Variants in SORCS1 observed in about 807,000 individuals in gnomAD.
SORCS1 encodes the protein VPS10 domain-containing receptor SorCS1.
Under a neutral mutation model 146.1 loss-of-function variants are expected in SORCS1, and 60 were observed. The ratio of observed to expected loss-of-function variants is 0.41; its 90% CI spans 0.33 to 0.51. The LOEUF (loss-of-function observed/expected upper bound fraction) is 0.51, where lower values mean the gene tolerates loss of function less well. Among genes scored for constraint, SORCS1 ranks in the 20% least tolerant of loss-of-function variants. SORCS1 has a pLI of 0.21. For missense variants in SORCS1, 1,352 were observed against 1,487.6 expected (o/e 0.91, Z 1.50); for synonymous variants, 637 against 584.0 (o/e 1.09, Z -1.31).
chr10:107,036,994 C>A lies in SORCS1; in HGVS notation c.559-80414G>T, dbSNP rs144058363. Among the ~76,000 whole-genome samples, 1,501 of 152,204 alleles carry A rather than the reference C, an allele frequency of 9.9e-3. 19 individuals carry two copies. Among genetic ancestry groups the A allele is most frequent in the African/African-American group, 0.034 (1,428 of 41,530 alleles). ...GGCGCGGTGGCTCATGCCTGTAATCCCAGCACTTTGGGAGGCCGAGGCAGG... is the reference window on the plus strand; with the variant it reads ...GGCGCGGTGGCTCATGCCTGTAATCACAGCACTTTGGGAGGCCGAGGCAGG... On this transcript the variant is annotated intron_variant, in intron 1 of 25. Transcript: ENST00000263054.
intron 1 of SORCS1, among the ~76,000 whole-genome samples, chr10:106,990,243 T>C (rs375005565): frequency 6.6e-6 from 1 of 152,250 alleles, no homozygotes; most frequent in Middle Eastern, 3.4e-3. Context: ...AACAAGGCCT[T>C]CTAACAGATT....
intron 1 of SORCS1, among the ~76,000 whole-genome samples, chr10:107,151,470 A>G (rs1220386911): frequency 6.6e-6 from 1 of 151,998 alleles, no homozygotes; most frequent in Non-Finnish European, 1.5e-5. Flanking sequence ...TGATGGTGGG[A>G]GGTAAAAGGC....
At chr10:106,893,070 A>AT (rs527826923) in intron 2 of SORCS1, among the ~76,000 whole-genome samples, 3,699 of 140,928 alleles carry the variant, frequency 0.026, 54 homozygotes, top group Non-Finnish European at 0.034. Context: ...AGTTTTTTGT[A>AT]TTTTTTTTTT....
chr10:106,866,432 C>A (rs898617771), intron 2 of SORCS1, among the ~76,000 whole-genome samples: 8 of 152,128 alleles, frequency 5.3e-5, no homozygotes, highest in Non-Finnish European at 8.8e-5. Flanking sequence ...GGGTAGAGTC[C>A]CCAGGAGACA....
chr10:106,732,987 T>C (rs1274153526), intron 5 of SORCS1, among the ~76,000 whole-genome samples: 1 of 151,476 alleles, frequency 6.6e-6, no homozygotes, highest in Non-Finnish European at 1.5e-5. Context: ...GGTGTGGTGG[T>C]GTGTACCTGT....
chr10:106,829,515 G>A, intron 3 of SORCS1, 59 bp downstream of exon 3: 1 of 1,330,892 alleles, frequency 7.5e-7, no homozygotes, highest in Non-Finnish European at 1.1e-6. Context: ...AGAGTGGTTA[G>A]CCAACCAAGA....
chr10:106,849,812 C>T (rs1949469201), intron 2 of SORCS1, among the ~76,000 whole-genome samples: 1 of 151,548 alleles, frequency 6.6e-6, no homozygotes, highest in African/African-American at 2.4e-5. Context: ...ACAGACAGGA[C>T]CCTCAGCTGC....
At chr10:106,643,865 C>T (rs1293138540) in intron 18 of SORCS1, among the ~76,000 whole-genome samples, 2 of 152,178 alleles carry the variant, frequency 1.3e-5, no homozygotes, top group Non-Finnish European at 2.9e-5. Context: ...TGGAGCTAAT[C>T]AGAAGTGAAA....
In SORCS1 at chr10:106,686,337, C is replaced by T. The variant is rs111996478; in HGVS notation, c.1560+1855G>A. Among the ~76,000 whole-genome samples, 1,282 of 152,258 alleles carry T rather than the reference C, an allele frequency of 8.4e-3. 20 individuals carry two copies. The highest frequency in any genetic ancestry group is 0.029 in the African/African-American group (1,219 of 41,548). Reference sequence around the variant, plus strand: ...TGGGGGTGAAGCAGGGAATACCTTGCTAAGTGCTTAAAAGCCATTTTTAAT... The same window carrying T: ...TGGGGGTGAAGCAGGGAATACCTTGTTAAGTGCTTAAAAGCCATTTTTAAT... On this transcript the variant is annotated intron_variant, in intron 10 of 25. Transcript: ENST00000263054.
Position 106,773,121 on chromosome 10 carries a change from T to C in SORCS1, c.885+3413A>G, listed in dbSNP as rs17180688. Among the ~76,000 whole-genome samples the C allele has an allele frequency of 9.3e-3, 1,419 of 152,316 alleles. 9 individuals are homozygous for C. The highest frequency in any genetic ancestry group is 0.014 in the Non-Finnish European group (977 of 68,028). On this transcript the variant is annotated intron_variant, in intron 4 of 25. Transcript: ENST00000263054. ...TAAGGGATTGTTCACCACAATTTGATGTAAAACAGCATCCAGCAGAGATAA... is the reference window on the plus strand; with the variant it reads ...TAAGGGATTGTTCACCACAATTTGACGTAAAACAGCATCCAGCAGAGATAA...
chr10:106,976,431 A>C (rs1956023587), intron 1 of SORCS1, among the ~76,000 whole-genome samples: 1 of 147,538 alleles, frequency 6.8e-6, no homozygotes, highest in Non-Finnish European at 1.5e-5. Context: ...TCCCGGGTTC[A>C]CGCCATTCTC....
intron 1 of SORCS1, among the ~76,000 whole-genome samples, chr10:106,982,980 T>A (rs1476593340): frequency 6.6e-6 from 1 of 151,918 alleles, no homozygotes; most frequent in Non-Finnish European, 1.5e-5. Flanking sequence ...GCACAGAGAT[T>A]TAATAACTGT....
chr10:107,016,674 A>C (rs1218040109), intron 1 of SORCS1, among the ~76,000 whole-genome samples: 2 of 152,238 alleles, frequency 1.3e-5, no homozygotes, highest in Non-Finnish European at 1.5e-5. Context: ...AAAACATGGT[A>C]AATTGACTAT....
intron 1 of SORCS1, among the ~76,000 whole-genome samples, chr10:107,110,491 G>A (rs937022318): frequency 2.6e-5 from 4 of 151,998 alleles, no homozygotes; most frequent in Admixed American, 2.0e-4. Context: ...ACAAGAGCAA[G>A]CTAGAGAGTT....
chr10:107,079,943 T>TA (rs1033412727), intron 1 of SORCS1, among the ~76,000 whole-genome samples: 23 of 152,220 alleles, frequency 1.5e-4, no homozygotes, highest in African/African-American at 4.8e-4. Context: ...AAATGTATGA[T>TA]AAAAAACAAG....
intron 4 of SORCS1, among the ~76,000 whole-genome samples, chr10:106,761,947 C>G (rs900596741): frequency 1.3e-5 from 2 of 152,118 alleles, no homozygotes; most frequent in Non-Finnish European, 2.9e-5. Context: ...GAATGCACAC[C>G]CTGTTCTGCC....
intron 2 of SORCS1, among the ~76,000 whole-genome samples, chr10:106,927,343 G>A (rs945041908): frequency 6.6e-5 from 10 of 152,050 alleles, no homozygotes; most frequent in African/African-American, 2.4e-4. Context: ...CAGCTTTTAA[G>A]GCGGCGCGTC....
rs529646689 is a variant in SORCS1, at chr10:106,844,354, T to A, written c.627-14681A>T. ...CATTTTGCTTTTGGTGTCTGTGCTT[T>A]TGGTGTCAAATTAAAATAAAATCAT... On this transcript the variant is annotated intron_variant, in intron 2 of 25. Transcript: ENST00000263054. Among the ~76,000 whole-genome samples, 17 of 152,208 alleles carry A rather than the reference T, an allele frequency of 1.1e-4. No homozygotes were observed. In the South Asian group the frequency reaches 3.3e-3, roughly 30 times the overall value.
chr10:106,750,941 C>A (rs890584719), intron 5 of SORCS1, among the ~76,000 whole-genome samples: 1 of 148,404 alleles, frequency 6.7e-6, no homozygotes, highest in Non-Finnish European at 1.5e-5. Context: ...GCGCCGTAGT[C>A]CCAGCTACTA....
Sources: allele counts gnomAD v4.1 joint callset (sites outside exome capture counted in the v4.1 genomes callset), GRCh38; gene constraint gnomAD v4.1.1; transcripts MANE v1.5; gene names NCBI Gene and HGNC (gene_info 2026-07-23, HGNC 2026-07-21).